The following CFH variants were observed in gnomAD, a reference collection of about 807,000 sequenced individuals.
CFH encodes complement factor H, also known as H factor 1 (complement).
In CFH, 53 loss-of-function variants were observed where a neutral mutation model predicts 147.3. The observed-to-expected ratio is 0.36, with a 90% CI of 0.29 to 0.45. CFH has a LOEUF of 0.45. Among genes scored for constraint, CFH ranks in the 20% least tolerant of loss-of-function variants. CFH has a pLI of 1.00. For synonymous variants in CFH, 536 were observed against 489.4 expected, an observed-to-expected ratio of 1.10 and a Z score of -1.26; for missense variants, 1,380 against 1,498.0, an observed-to-expected ratio of 0.92 and a Z score of 1.30.
intron 14 of CFH, among the ~76,000 whole-genome samples, chr1:196,727,271 G>A (rs1462778556): frequency 6.6e-6 from 1 of 152,094 alleles, no homozygotes; most frequent in Non-Finnish European, 1.5e-5. Context: ...GGAGGCCAAG[G>A]CAAGAAGATT....
At chr1:196,673,735 T>C (rs1332437380) in intron 2 of CFH, 122 bp from the exon 3 acceptor site, 1 of 731,524 alleles carries the variant, frequency 1.4e-6, no homozygotes, top group Non-Finnish European at 2.5e-6. Flanking sequence ...TTGCTATGTT[T>C]AATTTTCCTT....
chr1:196,700,664 A>G (rs999248241), intron 9 of CFH, among the ~76,000 whole-genome samples: 11 of 151,830 alleles, frequency 7.2e-5, no homozygotes, highest in Admixed American at 1.3e-4. Context: ...AAAAAAAAAA[A>G]AAAAGAAAAG....
At chr1:196,656,166 T>A (rs1666679081) in intron 1 of CFH, among the ~76,000 whole-genome samples, 1 of 151,846 alleles carries the variant, frequency 6.6e-6, no homozygotes, top group Non-Finnish European at 1.5e-5. Context: ...TAGCCAGGCG[T>A]GGTGGCGCGT....
intron 6 of CFH, among the ~76,000 whole-genome samples, chr1:196,682,381 C>G (rs1667686824): frequency 6.6e-6 from 1 of 151,674 alleles, no homozygotes; most frequent in Non-Finnish European, 1.5e-5. Flanking sequence ...GTTTTAATAA[C>G]ATGATGTATT....
chr1:196,654,388 T>C (rs1666612188), intron 1 of CFH, among the ~76,000 whole-genome samples: 1 of 152,168 alleles, frequency 6.6e-6, no homozygotes, highest in Non-Finnish European at 1.5e-5. Flanking sequence ...TAATGCAATA[T>C]ATTGTCTACA....
chr1:196,666,553 G>C (rs1264769777), intron 1 of CFH, among the ~76,000 whole-genome samples: 1 of 151,798 alleles, frequency 6.6e-6, no homozygotes, highest in Non-Finnish European at 1.5e-5. Context: ...TTGGGAGGCC[G>C]AGGTGGGCGG....
At chr1:196,712,482 T>C (rs1317887263) in intron 9 of CFH, among the ~76,000 whole-genome samples, 1 of 151,848 alleles carries the variant, frequency 6.6e-6, no homozygotes, top group Non-Finnish European at 1.5e-5. Context: ...AATATGTTTT[T>C]ATTATCATTC....
chr1:196,715,719 G>C lies in CFH; in HGVS notation c.1646G>C (p.Gly549Ala), dbSNP rs981242135. The part of the protein sequence containing the change: ...GYESNTGSTT[G>A]SIVCGYNGWS... ...GAAAGCAATACTGGAAGCACCACTG[G>C]TTCCATAGTGTGTGGTTACAATGGT... The change falls in exon 11 of 22, where the codon GGT (glycine) becomes GCT (alanine). Residue 549 changes from glycine to alanine, a missense_variant. Gly to Ala is a moderately conservative substitution (Grantham distance 60). This residue lies in a region of CFH where 830 missense variants were observed against 821.4 expected (regional missense o/e 1.01). Transcript: ENST00000367429. 3 of 1,612,418 alleles carry C rather than the reference G, an allele frequency of 1.9e-6. No individual in the cohort carries two copies. The highest frequency in any genetic ancestry group is 3.3e-5 in the Admixed American group (2 of 59,874).
At chr1:196,708,896 G>A (rs376797190) in intron 9 of CFH, among the ~76,000 whole-genome samples, 4 of 152,132 alleles carry the variant, frequency 2.6e-5, no homozygotes, top group East Asian at 1.9e-4. Flanking sequence ...TAGCTATGGA[G>A]TATACACTCA....
chr1:196,732,154 C>T (rs7540032), intron 15 of CFH, among the ~76,000 whole-genome samples: 66,710 of 151,674 alleles, frequency 0.44, 14,818 homozygotes, highest in South Asian at 0.56. Context: ...CCATCTGGAT[C>T]TTAAGCTATC....
At chr1:196,714,707 A>AGAGG (rs1668824750) in intron 10 of CFH, among the ~76,000 whole-genome samples, 2 of 124,990 alleles carry the variant, frequency 1.6e-5, no homozygotes, top group South Asian at 2.7e-4. Context: ...AGAGAGAGAG[A>AGAGG]GAGAGAGAGA....
At chr1:196,743,280 GTTTCA>G (rs1652874527) in intron 19 of CFH, among the ~76,000 whole-genome samples, 167 bp from the exon 20 acceptor site, 1 of 152,174 alleles carries the variant, frequency 6.6e-6, no homozygotes, top group African/African-American at 2.4e-5. Context: ...ACAAAAAATA[GTTTCA>G]TGTCTTTTCC....
chr1:196,740,565 T>C (rs1436655508), intron 17 of CFH, 54 bp from the exon 18 acceptor site: 6 of 1,539,462 alleles, frequency 3.9e-6, no homozygotes, highest in Non-Finnish European at 4.5e-6. Context: ...AAAACAGGCA[T>C]ATAAAATTAA....
chr1:196,685,561 A>G (rs1037012913), intron 7 of CFH, among the ~76,000 whole-genome samples: 3 of 152,154 alleles, frequency 2.0e-5, no homozygotes, highest in African/African-American at 7.2e-5. Context: ...CCCCAAAAAC[A>G]TATTTACTTA....
chr1:196,690,137 A>G lies in CFH; in HGVS notation c.1234A>G (p.Ile412Val), dbSNP rs746238142. The change falls in exon 9 of 22, where the codon ATA becomes GTA. Residue 412 changes from isoleucine (I) to valine (V), a missense_variant. Transcript: ENST00000367429. ...HGRKFVQGKS[I>V]DVACHPGYAL... ...AAGAAAGTTTGTACAGGGTAAATCT[A>G]TAGACGTTGCCTGCCATCCTGGCTA... is the stretch of plus-strand genomic sequence containing the variant. 1.9e-6 allele frequency: 3 copies of G among 1,613,242 alleles called. No individual in the cohort carries two copies. The highest frequency in any genetic ancestry group is 2.2e-5 in the South Asian group (2 of 91,076).
At chr1:196,711,468 A>AT (rs141927228) in intron 9 of CFH, among the ~76,000 whole-genome samples, 3,114 of 151,226 alleles carry the variant, frequency 0.021, 97 homozygotes, top group African/African-American at 0.07. Context: ...CAAAATGTGG[A>AT]TTTTTTTTTA....
chr1:196,714,634 T>C (rs1286825738), intron 10 of CFH, among the ~76,000 whole-genome samples: 5 of 47,122 alleles, frequency 1.1e-4, no homozygotes, highest in Middle Eastern at 9.6e-3. Context: ...TACGTATATA[T>C]GTATATATAT....
chr1:196,672,162 T>A (rs1667303323), intron 1 of CFH, among the ~76,000 whole-genome samples: 1 of 152,132 alleles, frequency 6.6e-6, no homozygotes, highest in Admixed American at 6.5e-5. Flanking sequence ...TATAGCCTCC[T>A]TATGTTTGGT....
chr1:196,715,780 G>T lies in CFH; in HGVS notation c.1696+11G>T, dbSNP rs772375473. On this transcript the variant is annotated intron_variant, in intron 11 of 21. Coordinates refer to ENST00000367429, the MANE Select transcript of CFH (RefSeq NM_000186.4). ...TACCCATATGTTATGGTAAGTACTG[G>T]TTTTTCAGAAATTCATTTTCAAAAT... is the stretch of plus-strand genomic sequence containing the variant. 2.5e-6 allele frequency: 4 copies of T among 1,580,070 alleles called. No individual in the cohort carries two copies. The highest frequency in any genetic ancestry group is 3.4e-6 in the Non-Finnish European group (4 of 1,161,674).
Sources: gnomAD v4.1 joint callset for allele counts (sites outside exome capture counted in the v4.1 genomes callset) on GRCh38, gnomAD v4.1.1 for gene constraint, gnomAD v4.1.1 regional missense constraint, MANE v1.5 for transcripts, NCBI Gene and HGNC (gene_info 2026-07-23, HGNC 2026-07-21) for gene names.